Variants in ZNF772 observed in about 807,000 individuals in gnomAD.
ZNF772 encodes zinc finger protein 772.
A neutral mutation model predicts 11.0 loss-of-function variants in ZNF772; 8 were observed. The observed-to-expected ratio is 0.73, with a 90% CI of 0.43 to 1.31. The LOEUF (loss-of-function observed/expected upper bound fraction) is 1.31, where lower values mean the gene tolerates loss of function less well. Ranked by LOEUF, ZNF772 falls within the 50% of genes most tolerant of loss-of-function variation. The pLI is 0.01. For synonymous variants in ZNF772, 155 were observed against 180.4 expected, an observed-to-expected ratio of 0.86 and a Z score of 1.13; for missense variants, 496 against 552.3, an observed-to-expected ratio of 0.90 and a Z score of 1.02.
chr19:57,475,887 T>A lies in ZNF772; in HGVS notation c.73-101A>T. On this transcript the variant is annotated intron_variant, in intron 2 of 3. Coordinates refer to ENST00000356584, the MANE Select transcript of ZNF772 (RefSeq NM_001144068.2). The surrounding 1 kb of genome is among the most constrained non-coding windows in gnomAD (Gnocchi z 4.2). Reference sequence around the variant, plus strand: ...CCTCCTGTACACCCTCCTACCTAACTCCTCAACTCAGGAAATATCAGGACC... The same window carrying A: ...CCTCCTGTACACCCTCCTACCTAACACCTCAACTCAGGAAATATCAGGACC... The A allele has an allele frequency of 1.4e-6, 2 of 1,467,648 alleles. No homozygotes were observed. The highest frequency in any genetic ancestry group is 9.1e-7 in the Non-Finnish European group (1 of 1,094,390). 90.9% of individuals were successfully genotyped at this position (1,467,648 alleles called of 1,614,324 possible). A position where few individuals can be genotyped will look rare whatever the true frequency, so the allele number is the denominator to read the frequency against.
chr19:57,474,510 G>C, intron 3 of ZNF772, 89 bp from the exon 4 acceptor site: 1 of 1,363,206 alleles, frequency 7.3e-7, no homozygotes. Flanking sequence ...ACACAACTAA[G>C]ACCAAGGTCA....
In ZNF772 at chr19:57,471,016, G is replaced by A. The variant is rs992357865; in HGVS notation, c.*2258C>T. On this transcript the variant is annotated 3_prime_UTR_variant, in exon 4 of 4. Coordinates refer to ENST00000356584, the MANE Select transcript of ZNF772 (RefSeq NM_001144068.2). ...GACAGATGTACATATAACTTGTACA[G>A]CCCTCTATCTACCACAGAAATCAAA... The A allele has an allele frequency of 1.3e-5, 2 of 152,146 alleles. No homozygotes were observed. Among genetic ancestry groups the A allele is most frequent in the African/African-American group, 2.4e-5 (1 of 41,414 alleles). The allele number at this position is 152,146 out of a possible 1,614,324, so 9.4% of individuals were successfully genotyped here.
chr19:57,474,107 A>G lies in ZNF772; in HGVS notation c.514T>C (p.Cys172Arg), dbSNP rs1346034846. The G allele has an allele frequency of 5.6e-6, 9 of 1,614,170 alleles. No homozygotes were observed. The highest frequency in any genetic ancestry group is 6.8e-6 in the Non-Finnish European group (8 of 1,180,006). Residue 172 changes from cysteine to arginine, a missense_variant, in exon 4 of 4, where the codon TGT becomes CGT. Transcript: ENST00000356584. The stretch of plus-strand genomic sequence containing the variant: ...GACATCTCCATTGATTGCACAGCAC[A>G]GTTGTTCAGAAGAAAGGGCCTGCTC... The part of the protein sequence containing the change: ...DKSRPFLLNN[C>R]AVQSMEMSFV...
In ZNF772 at chr19:57,470,638, G is replaced by A. The variant is rs114369505; in HGVS notation, c.*2636C>T. On this transcript the variant is annotated 3_prime_UTR_variant, in exon 4 of 4. Coordinates refer to ENST00000356584, the MANE Select transcript of ZNF772 (RefSeq NM_001144068.2). ...CAAGTACTTTAAGATCAATAAAATT[G>A]TAAAATTGATAAATCTCTACCCAAA... 2.0e-3 allele frequency: 311 copies of A among 152,224 alleles called. 2 individuals are homozygous for A. Among genetic ancestry groups the A allele is most frequent in the African/African-American group, 7.2e-3 (297 of 41,520 alleles). The allele number at this position is 152,224 out of a possible 1,614,324, so 9.4% of individuals were successfully genotyped here.
chr19:57,476,482 C>T lies in ZNF772; in HGVS notation c.72+152G>A, dbSNP rs1014799628. 13 of 884,796 alleles carry T rather than the reference C, an allele frequency of 1.5e-5. 1 individual carries two copies. The highest frequency in any genetic ancestry group is 5.8e-4 in the Middle Eastern group (2 of 3,474). 54.8% of individuals were successfully genotyped at this position (884,796 alleles called of 1,614,324 possible). On this transcript the variant is annotated intron_variant, in intron 2 of 3. Coordinates refer to ENST00000356584, the MANE Select transcript of ZNF772 (RefSeq NM_001144068.2). ...AAACCCCTCCATAAAACCCCTGGCCCGGAGTCAGGACCCTGGGCTTGGGGC... is the reference window on the plus strand; with the variant it reads ...AAACCCCTCCATAAAACCCCTGGCCTGGAGTCAGGACCCTGGGCTTGGGGC...
At position 57,474,004 on chromosome 19, in the gene ZNF772, CA is replaced by C; in HGVS notation, c.616del (p.Trp206GlyfsTer266). On this transcript the variant is annotated frameshift_variant, in exon 4 of 4. Transcript: ENST00000356584. LOFTEE classifies it low-confidence loss of function (END_TRUNC). ...ACACTTGGTGTTGCTGTGTGGCTTCCACTCATTGTGAGGGGCATGGTGCTCG... is the reference window on the plus strand; with the variant it reads ...ACACTTGGTGTTGCTGTGTGGCTTCCCTCATTGTGAGGGGCATGGTGCTCG... ...IFEHHAPHNE[W>X]KPHSNTKCEE... 1 of 1,614,210 alleles carries C rather than the reference CA, an allele frequency of 6.2e-7. No homozygotes were observed. Among genetic ancestry groups the C allele is most frequent in the Non-Finnish European group, 8.5e-7 (1 of 1,180,044 alleles).
At position 57,477,203 on chromosome 19, in the gene ZNF772, G is replaced by A. The variant is rs371924602; in HGVS notation, c.33+74C>T. 705 of 1,601,550 alleles carry A rather than the reference G, an allele frequency of 4.4e-4. 2 individuals are homozygous for A. Among genetic ancestry groups the A allele is most frequent in the Non-Finnish European group, 5.3e-4 (618 of 1,171,174 alleles). ...ACAGGGGCCTGAGCTGCAGTAACCCGAGGAATCGTTCATTCGAAGCTTTGG... is the reference window on the plus strand; with the variant it reads ...ACAGGGGCCTGAGCTGCAGTAACCCAAGGAATCGTTCATTCGAAGCTTTGG... On this transcript the variant is annotated intron_variant, in intron 1 of 3. Coordinates refer to ENST00000356584, the MANE Select transcript of ZNF772 (RefSeq NM_001144068.2).
At chr19:57,474,497 C>G in intron 3 of ZNF772, 76 bp from the exon 4 acceptor site, 1 of 1,440,716 alleles carries the variant, frequency 6.9e-7, no homozygotes, top group African/African-American at 1.4e-5. Context: ...AAATATGTGT[C>G]TAACACAACT....
At position 57,474,182 on chromosome 19, in the gene ZNF772, GA is replaced by G. The variant is rs1568558582; in HGVS notation, c.438del (p.His147ThrfsTer23). The G allele has an allele frequency of 6.2e-7, 1 of 1,614,184 alleles. No individual in the cohort carries two copies. On this transcript the variant is annotated frameshift_variant, in exon 4 of 4. Transcript: ENST00000356584. LOFTEE classifies it low-confidence loss of function (END_TRUNC). ...CGKQFCFSAN[L>X]HQHQKQHSGE... The stretch of plus-strand genomic sequence containing the variant: ...CCACTGTGCTGCTTCTGGTGCTGGT[GA>G]AGGTTTGCACTGAAGCAGAACTGTT...
At chr19:57,474,879 G>T in intron 3 of ZNF772, 1 of 1,130,796 alleles carries the variant, frequency 8.8e-7, no homozygotes, top group East Asian at 2.4e-5. Flanking sequence ...GAGACATGAA[G>T]GCAGAGGTAT....
rs1430022247 is a variant in ZNF772, at chr19:57,471,745, G to A, written c.*1529C>T. On this transcript the variant is annotated 3_prime_UTR_variant, in exon 4 of 4. Transcript: ENST00000356584. ...TCTACAATGGAACACTCTTAGCAAA[G>A]TACAAATGAAAAGAAATGAACTATG... 1.8e-5 allele frequency: 3 copies of A among 169,268 alleles called. No homozygotes were observed. The highest frequency in any genetic ancestry group is 3.8e-5 in the Non-Finnish European group (3 of 79,034). The allele number at this position is 169,268 out of a possible 1,614,324, so 10.5% of individuals were successfully genotyped here.
Position 57,475,769 on chromosome 19 carries a change from C to A in ZNF772, c.90G>T (p.Glu30Asp). The A allele has an allele frequency of 6.2e-7, 1 of 1,604,652 alleles. No individual in the cohort carries two copies. The highest frequency in any genetic ancestry group is 8.5e-7 in the Non-Finnish European group (1 of 1,174,894). ...VDPIQGQVNFEDVFVYFSQEE... is the reference protein window; with the variant it reads ...VDPIQGQVNFDDVFVYFSQEE... The stretch of plus-strand genomic sequence containing the variant: ...CCTGGGAGAAGTACACGAACACGTC[C>A]TCAAAGTTCACCTGCCCCTGCCACA... Residue 30 changes from glutamate to aspartate, a missense_variant, in exon 3 of 4, where the codon GAG (glutamate) becomes GAT (aspartate). Glu to Asp is a conservative substitution (Grantham distance 45). Coordinates refer to ENST00000356584, the MANE Select transcript of ZNF772 (RefSeq NM_001144068.2). This position sits in a 1 kb window ranked among gnomAD's most constrained non-coding sequence, Gnocchi z 4.2.
intron 2 of ZNF772, 152 bp downstream of exon 2, chr19:57,476,482 C>G: frequency 2.3e-6 from 2 of 884,914 alleles, no homozygotes; most frequent in Non-Finnish European, 3.7e-6. Context: ...ACCCCTGGCC[C>G]GGAGTCAGGA....
In ZNF772 at chr19:57,477,499, G is replaced by T; in HGVS notation, c.-190C>A. 4 of 562,536 alleles carry T rather than the reference G, an allele frequency of 7.1e-6. No individual in the cohort carries two copies. Among genetic ancestry groups the T allele is most frequent in the Non-Finnish European group, 1.3e-5 (4 of 316,114 alleles). The allele number at this position is 562,536 out of a possible 1,614,324, so 34.8% of individuals were successfully genotyped here. A position where few individuals can be genotyped will look rare whatever the true frequency, so the allele number is the denominator to read the frequency against. ...ACCTCAGGTCTGACATTGCGTTCTG[G>T]AAACTAAACCAGTGGATTAATGGAA... is the stretch of plus-strand genomic sequence containing the variant. On this transcript the variant is annotated 5_prime_UTR_variant, in exon 1 of 4. Coordinates refer to ENST00000356584, the MANE Select transcript of ZNF772 (RefSeq NM_001144068.2).
rs891686284 is a variant in ZNF772, at chr19:57,473,192, G to A, written c.*82C>T. On this transcript the variant is annotated 3_prime_UTR_variant, in exon 4 of 4. Transcript: ENST00000356584. ...GTATAAAGTTCTACTTCTGGCTGTC[G>A]GCTACACATAAAGGCTATGCTTGGA... The A allele has an allele frequency of 6.5e-6, 9 of 1,386,732 alleles. No homozygotes were observed. The East Asian group carries it at 9.3e-5, about 14-fold the overall frequency. 85.9% of individuals were successfully genotyped at this position (1,386,732 alleles called of 1,614,324 possible). A position where few individuals can be genotyped will look rare whatever the true frequency, so the allele number is the denominator to read the frequency against.
rs1199014331 is a variant in ZNF772 at position 57,470,517 on chromosome 19, A to C, written c.*2757T>G. ...CAGCTTCCATGTTAAAAAGTAGCAA[A>C]AGAAATGAAATCCAATAAAAGCGGA... On this transcript the variant is annotated 3_prime_UTR_variant, in exon 4 of 4. Transcript: ENST00000356584. 2 of 152,222 alleles carry C rather than the reference A, an allele frequency of 1.3e-5. No individual in the cohort carries two copies. Among genetic ancestry groups the C allele is most frequent in the African/African-American group, 4.8e-5 (2 of 41,466 alleles). The allele number at this position is 152,222 out of a possible 1,614,324, so 9.4% of individuals were successfully genotyped here.
In ZNF772 at chr19:57,470,905, C is replaced by G. The variant is rs1467615067; in HGVS notation, c.*2369G>C. ...ATATATAACTAGTATAGCCCTCCAT[C>G]TACCATGGAAATCAAACTTGTAGTT... is the stretch of plus-strand genomic sequence containing the variant. On this transcript the variant is annotated 3_prime_UTR_variant, in exon 4 of 4. Coordinates refer to ENST00000356584, the MANE Select transcript of ZNF772 (RefSeq NM_001144068.2). 1 of 152,112 alleles carries G rather than the reference C, an allele frequency of 6.6e-6. No individual in the cohort carries two copies. Among genetic ancestry groups the G allele is most frequent in the Non-Finnish European group, 1.5e-5 (1 of 68,028 alleles). The allele number at this position is 152,112 out of a possible 1,614,324, so 9.4% of individuals were successfully genotyped here.
chr19:57,471,895 G>A lies in ZNF772; in HGVS notation c.*1379C>T, dbSNP rs904947030. On this transcript the variant is annotated 3_prime_UTR_variant, in exon 4 of 4. Coordinates refer to ENST00000356584, the MANE Select transcript of ZNF772 (RefSeq NM_001144068.2). ...ATACAAACAAATCTACAGTGACAAC[G>A]GATCAATAGTTGCCTGGGGATGGGT... is the stretch of plus-strand genomic sequence containing the variant. The A allele has an allele frequency of 6.0e-5, 16 of 266,338 alleles. No individual in the cohort carries two copies. The highest frequency in any genetic ancestry group is 1.8e-4 in the African/African-American group (8 of 43,532). The allele number at this position is 266,338 out of a possible 1,614,324, so 16.5% of individuals were successfully genotyped here. A position where few individuals can be genotyped will look rare whatever the true frequency, so the allele number is the denominator to read the frequency against.
At position 57,473,143 on chromosome 19, in the gene ZNF772, C is replaced by A. The variant is rs1211111321; in HGVS notation, c.*131G>T. ...CCCATATAGCTGGCACTCGGAAGAA[C>A]CTCCCCAGGGTGAGTGTTTGAGTGT... is the stretch of plus-strand genomic sequence containing the variant. On this transcript the variant is annotated 3_prime_UTR_variant, in exon 4 of 4. Coordinates refer to ENST00000356584, the MANE Select transcript of ZNF772 (RefSeq NM_001144068.2). 2.2e-6 allele frequency: 2 copies of A among 891,362 alleles called. No homozygotes were observed. The highest frequency in any genetic ancestry group is 5.8e-5 in the Admixed American group (2 of 34,196). 55.2% of individuals were successfully genotyped at this position (891,362 alleles called of 1,614,324 possible). A position where few individuals can be genotyped will look rare whatever the true frequency, so the allele number is the denominator to read the frequency against.
Sources: allele counts gnomAD v4.1 joint callset, GRCh38; gene constraint gnomAD v4.1.1; non-coding constraint Gnocchi (gnomAD v3.1); transcripts MANE v1.5; gene names NCBI Gene and HGNC (gene_info 2026-07-23, HGNC 2026-07-21).